Variants in ELOVL4 observed in about 807,000 individuals in gnomAD.
The protein encoded by ELOVL4 is ELOVL fatty acid elongase 4.
In ELOVL4, 18 loss-of-function variants were observed where a neutral mutation model predicts 42.1. The ratio of observed to expected loss-of-function variants is 0.43; its 90% CI spans 0.30 to 0.63. The LOEUF is 0.63. Ranked by LOEUF, ELOVL4 falls within the 30% of genes least tolerant of loss-of-function variation. ELOVL4 has a pLI of 0.15. For synonymous variants in ELOVL4, 117 were observed against 127.0 expected (o/e 0.92, Z 0.53); for missense variants, 299 against 376.2 (o/e 0.79, Z 1.70).
At chr6:79,944,219 T>TA (rs1358424171) in intron 1 of ELOVL4, among the ~76,000 whole-genome samples, 3 of 152,210 alleles carry the variant, frequency 2.0e-5, no homozygotes, top group Admixed American at 6.5e-5. Flanking sequence ...TTCATCAGTT[T>TA]AAAAAATGTA....
At position 79,916,617 on chromosome 6, in the gene ELOVL4, T is replaced by C. The variant is rs1201709994; in HGVS notation, c.936A>G (p.Lys312=). The C allele has an allele frequency of 1.2e-6, 2 of 1,613,876 alleles. No homozygotes were observed. The highest frequency in any genetic ancestry group is 2.2e-5 in the East Asian group (1 of 44,886). Residue 312 remains lysine, a synonymous_variant, in exon 6 of 6, where the codon AAA becomes AAG. Coordinates refer to ENST00000369816, the MANE Select transcript of ELOVL4 (RefSeq NM_022726.4). The part of the protein sequence containing the change: ...NGKKQKNGKA[K]GD ...TAAGGCCCAGTTCAATTTAATCTCC[T>C]TTTGCTTTTCCATTTTTCTGCTTTT... is the stretch of plus-strand genomic sequence containing the variant.
chr6:79,921,051 C>G (rs927637316), intron 4 of ELOVL4, among the ~76,000 whole-genome samples: 2 of 152,092 alleles, frequency 1.3e-5, no homozygotes, highest in Non-Finnish European at 2.9e-5. Flanking sequence ...CGTTCCCCAT[C>G]AAAATATTGT....
rs1031061289 is a variant in ELOVL4 at position 79,947,523 on chromosome 6, G to T, written c.-244C>A. The T allele has an allele frequency of 1.3e-5, 7 of 539,556 alleles. No homozygotes were observed. The highest frequency in any genetic ancestry group is 5.8e-5 in the African/African-American group (3 of 51,406). 33.4% of individuals were successfully genotyped at this position (539,556 alleles called of 1,614,324 possible). ...AAGACGAGGAGGTGGAGGAGGCCCAGCCGCCAGCACAGTGCGCTGCACCAG... is the reference window on the plus strand; with the variant it reads ...AAGACGAGGAGGTGGAGGAGGCCCATCCGCCAGCACAGTGCGCTGCACCAG... On this transcript the variant is annotated 5_prime_UTR_variant, in exon 1 of 6. In the 5' UTR this introduces an upstream ATG that the reference lacks. Transcript: ENST00000369816.
At chr6:79,938,887 A>C (rs1314280596) in intron 1 of ELOVL4, among the ~76,000 whole-genome samples, 1 of 152,232 alleles carries the variant, frequency 6.6e-6, no homozygotes, top group Non-Finnish European at 1.5e-5. Context: ...GGCTAGTGTG[A>C]CGGGAAGACA....
At position 79,920,609 on chromosome 6, in the gene ELOVL4, C is replaced by T. The variant is rs146156572; in HGVS notation, c.541+1016G>A. Among the ~76,000 whole-genome samples the T allele has an allele frequency of 5.8e-3, 881 of 152,262 alleles. 10 individuals are homozygous for T. Among genetic ancestry groups the T allele is most frequent in the African/African-American group, 0.02 (824 of 41,534 alleles). ...TCCAAAACTTCATATACACCTTATA[C>T]ATGTATCCTGAAGGTAATTTTATAA... On this transcript the variant is annotated intron_variant, in intron 4 of 5. Transcript: ENST00000369816.
chr6:79,916,956 C>T, intron 5 of ELOVL4, 73 bp from the exon 6 acceptor site: 1 of 1,576,144 alleles, frequency 6.3e-7, no homozygotes, highest in Non-Finnish European at 8.7e-7. Context: ...TCGGCATCTT[C>T]TACATAGCTA....
chr6:79,939,449 C>T (rs1774602932), intron 1 of ELOVL4, among the ~76,000 whole-genome samples: 1 of 152,050 alleles, frequency 6.6e-6, no homozygotes, highest in African/African-American at 2.4e-5. Flanking sequence ...AGTTCTCCTT[C>T]TCCCCAGGCC....
rs143604905 is a variant in ELOVL4 at position 79,921,183 on chromosome 6, T to C, written c.541+442A>G. Among the ~76,000 whole-genome samples, 712 of 152,020 alleles carry C rather than the reference T, an allele frequency of 4.7e-3. 9 individuals are homozygous for C. Among genetic ancestry groups the C allele is most frequent in the African/African-American group, 0.016 (677 of 41,492 alleles). ...ATTTTTTAAAAAATGAAATGATGGC[T>C]GGGTGTGGTGGCTCATGCTTGTAAT... On this transcript the variant is annotated intron_variant, in intron 4 of 5. Transcript: ENST00000369816.
intron 1 of ELOVL4, among the ~76,000 whole-genome samples, chr6:79,933,789 C>A (rs1264421421): frequency 6.6e-6 from 1 of 152,050 alleles, no homozygotes; most frequent in Admixed American, 6.6e-5. Flanking sequence ...ACTTGGAGAC[C>A]ACTAGGACAT....
chr6:79,916,594 A>C lies in ELOVL4; in HGVS notation c.*14T>G. ...TTTTCCTCACTGTCAACAACAGTTA[A>C]GGCCCAGTTCAATTTAATCTCCTTT... On this transcript the variant is annotated 3_prime_UTR_variant, in exon 6 of 6. Coordinates refer to ENST00000369816, the MANE Select transcript of ELOVL4 (RefSeq NM_022726.4). The C allele has an allele frequency of 6.2e-7, 1 of 1,613,246 alleles. No individual in the cohort carries two copies. Among genetic ancestry groups the C allele is most frequent in the Non-Finnish European group, 8.5e-7 (1 of 1,179,952 alleles).
chr6:79,947,102 G>A (rs1774758883), intron 1 of ELOVL4, 78 bp downstream of exon 1: 6 of 1,230,494 alleles, frequency 4.9e-6, no homozygotes, highest in Non-Finnish European at 7.0e-6. Context: ...TGTGGGGCCG[G>A]GCCCGGGAGC....
In ELOVL4 at chr6:79,914,961, T is replaced by C. The variant is rs1357565424; in HGVS notation, c.*1647A>G. 1 of 152,598 alleles carries C rather than the reference T, an allele frequency of 6.6e-6. No individual in the cohort carries two copies. The highest frequency in any genetic ancestry group is 1.5e-5 in the Non-Finnish European group (1 of 67,992). 9.5% of individuals were successfully genotyped at this position (152,598 alleles called of 1,614,324 possible). On this transcript the variant is annotated 3_prime_UTR_variant, in exon 6 of 6. Transcript: ENST00000369816. ...AACAAAACAAAGGTGTTGAATCCTC[T>C]TAGATCAAACTACTTTATATGTTGC...
At chr6:79,927,185 C>T (rs1774358334) in intron 1 of ELOVL4, among the ~76,000 whole-genome samples, 1 of 151,946 alleles carries the variant, frequency 6.6e-6, no homozygotes, top group South Asian at 2.1e-4. Flanking sequence ...TAAAACATTT[C>T]TGAAACAAGC....
At chr6:79,938,970 G>C (rs239523) in intron 1 of ELOVL4, among the ~76,000 whole-genome samples, 1 of 151,968 alleles carries the variant, frequency 6.6e-6, no homozygotes, top group Non-Finnish European at 1.5e-5. Context: ...CAAAAGTTAC[G>C]TAACTTCTGT....
chr6:79,947,453 A>C lies in ELOVL4; in HGVS notation c.-174T>G, dbSNP rs889838289. 10 of 640,096 alleles carry C rather than the reference A, an allele frequency of 1.6e-5. No individual in the cohort carries two copies. Among genetic ancestry groups the C allele is most frequent in the Admixed American group, 7.3e-5 (3 of 40,962 alleles). The allele number at this position is 640,096 out of a possible 1,614,324, so 39.7% of individuals were successfully genotyped here. ...GGCGCCGCGGCGGCGGGGATGCGGC[A>C]GAAGGCAGGGCCAAGCGGAAGGCGT... On this transcript the variant is annotated 5_prime_UTR_variant, in exon 1 of 6. Coordinates refer to ENST00000369816, the MANE Select transcript of ELOVL4 (RefSeq NM_022726.4).
At chr6:79,925,827 G>A (rs1164109419) in intron 2 of ELOVL4, among the ~76,000 whole-genome samples, 1 of 152,146 alleles carries the variant, frequency 6.6e-6, no homozygotes, top group Non-Finnish European at 1.5e-5. Context: ...ACTGTTTACT[G>A]AGTGCTTAAT....
chr6:79,941,214 C>A (rs1005570299), intron 1 of ELOVL4, among the ~76,000 whole-genome samples: 1 of 152,114 alleles, frequency 6.6e-6, no homozygotes, highest in Non-Finnish European at 1.5e-5. Context: ...TACAGATTAC[C>A]TAATTTAACC....
In ELOVL4 at chr6:79,916,387, C is replaced by T. The variant is rs758517246; in HGVS notation, c.*221G>A. 1.8e-6 allele frequency: 1 copy of T among 553,198 alleles called. No individual in the cohort carries two copies. The highest frequency in any genetic ancestry group is 3.2e-5 in the East Asian group (1 of 31,164). 34.3% of individuals were successfully genotyped at this position (553,198 alleles called of 1,614,324 possible). ...ATGATTGCTTTGGTCTGGAGAATAT[C>T]AAGGCTAATTTTTAAAAAAAATGTT... is the stretch of plus-strand genomic sequence containing the variant. On this transcript the variant is annotated 3_prime_UTR_variant, in exon 6 of 6. Transcript: ENST00000369816.
chr6:79,936,314 C>CT (rs1027015390), intron 1 of ELOVL4, among the ~76,000 whole-genome samples: 8 of 152,034 alleles, frequency 5.3e-5, no homozygotes, highest in African/African-American at 1.2e-4. Context: ...AAATTAATTC[C>CT]TTTTTTTTAA....
Sources: gnomAD v4.1 joint callset for allele counts (sites outside exome capture counted in the v4.1 genomes callset) on GRCh38, gnomAD v4.1.1 for gene constraint, MANE v1.5 for transcripts, NCBI Gene and HGNC (gene_info 2026-07-23, HGNC 2026-07-21) for gene names.